The following WDR72 variants were observed in gnomAD, a reference collection of about 807,000 sequenced individuals.
WDR72 encodes WD repeat-containing protein 72.
A neutral mutation model predicts 124.2 loss-of-function variants in WDR72; 120 were observed. The ratio of observed to expected loss-of-function variants is 0.97; its 90% CI spans 0.83 to 1.12. The LOEUF (loss-of-function observed/expected upper bound fraction) is 1.12, where lower values mean the gene tolerates loss of function less well. Among genes scored for constraint, WDR72 ranks in the 50% most tolerant of loss-of-function variants. WDR72 has a pLI of 0.00. For missense variants in WDR72, 1,387 were observed against 1,278.8 expected, an observed-to-expected ratio of 1.08 and a Z score of -1.29; for synonymous variants, 452 against 441.7, an observed-to-expected ratio of 1.02 and a Z score of -0.29.
chr15:53,714,461 A>T lies in WDR72; in HGVS notation c.564T>A (p.Asp188Glu). Reference sequence around the variant, plus strand: ...GAATGCTGTTGATAGATGAGGAAAGATCCCATACTTTGAGCTCACCAGCTA... The same window carrying T: ...GAATGCTGTTGATAGATGAGGAAAGTTCCCATACTTTGAGCTCACCAGCTA... ...VSVAGELKVWDLSSSINSIQE... is the reference protein window; with the variant it reads ...VSVAGELKVWELSSSINSIQE... Residue 188 changes from aspartate to glutamate, a missense_variant, in exon 6 of 20, where the codon GAT becomes GAA. Transcript: ENST00000360509. 1.9e-6 allele frequency: 3 copies of T among 1,613,992 alleles called. No homozygotes were observed. The highest frequency in any genetic ancestry group is 2.5e-6 in the Non-Finnish European group (3 of 1,179,930).
At chr15:53,680,029 T>C (rs1234369966) in intron 13 of WDR72, among the ~76,000 whole-genome samples, 3 of 152,158 alleles carry the variant, frequency 2.0e-5, no homozygotes, top group Non-Finnish European at 1.5e-5. Context: ...GTTGCTTTAC[T>C]ACAAACTATT....
At chr15:53,540,948 G>C (rs903110234) in intron 18 of WDR72, 1 of 157,092 alleles carries the variant, frequency 6.4e-6, no homozygotes, top group African/African-American at 2.4e-5. Context: ...CTTAAAAAAC[G>C]GCGCACCACG....
At chr15:53,557,087 A>T (rs1893959310) in intron 18 of WDR72, among the ~76,000 whole-genome samples, 1 of 152,120 alleles carries the variant, frequency 6.6e-6, no homozygotes, top group Non-Finnish European at 1.5e-5. Flanking sequence ...ACTTGGCCAG[A>T]GTAAGAAACT....
chr15:53,565,425 T>G (rs1317179032), intron 18 of WDR72, among the ~76,000 whole-genome samples: 1 of 151,916 alleles, frequency 6.6e-6, no homozygotes, highest in African/African-American at 2.4e-5. Context: ...GCAAACACCA[T>G]TAACAGCTTC....
intron 13 of WDR72, among the ~76,000 whole-genome samples, chr15:53,668,980 A>AAGGAGG (rs2015887153): frequency 5.5e-5 from 5 of 90,796 alleles, no homozygotes; most frequent in Admixed American, 1.3e-4. Context: ...GGAGGAGGAG[A>AAGGAGG]AGGAGAAGGA....
At chr15:53,753,689 C>T (rs1392089890) in intron 1 of WDR72, among the ~76,000 whole-genome samples, 1 of 152,156 alleles carries the variant, frequency 6.6e-6, no homozygotes, top group Non-Finnish European at 1.5e-5. Flanking sequence ...TCCCTTATTC[C>T]TAAACACATC....
intron 18 of WDR72, among the ~76,000 whole-genome samples, chr15:53,528,821 T>C (rs1892267006): frequency 6.6e-6 from 1 of 152,000 alleles, no homozygotes; most frequent in African/African-American, 2.4e-5. Context: ...GCTTACGGAA[T>C]CTGTTTAAAC....
intron 18 of WDR72, among the ~76,000 whole-genome samples, chr15:53,550,345 C>G (rs1456170281): frequency 6.6e-6 from 1 of 152,100 alleles, no homozygotes; most frequent in Non-Finnish European, 1.5e-5. Context: ...ACTTTTTTTA[C>G]CAAAAACAGA....
chr15:53,592,997 T>C (rs1322435694), intron 18 of WDR72, among the ~76,000 whole-genome samples: 1 of 152,024 alleles, frequency 6.6e-6, no homozygotes, highest in Admixed American at 6.6e-5. Context: ...AGACCTCAAA[T>C]AAAATACATG....
chr15:53,543,378 C>T (rs541342727), intron 18 of WDR72, among the ~76,000 whole-genome samples: 1 of 152,260 alleles, frequency 6.6e-6, no homozygotes, highest in East Asian at 1.9e-4. Flanking sequence ...ACTGAACAAC[C>T]TGCTCCTGAA....
upstream of WDR72, among the ~76,000 whole-genome samples, chr15:53,762,045 C>G: frequency 6.6e-6 from 1 of 151,842 alleles, no homozygotes. Context: ...TTCTCAGTTA[C>G]ATGACTTTAC....
At chr15:53,618,315 T>G (rs1477572321) in intron 14 of WDR72, among the ~76,000 whole-genome samples, 1 of 151,992 alleles carries the variant, frequency 6.6e-6, no homozygotes, top group Non-Finnish European at 1.5e-5. Context: ...TCCCACTTAT[T>G]TAGACCATGT....
chr15:53,599,571 G>C (rs1668525993), intron 17 of WDR72, among the ~76,000 whole-genome samples: 1 of 152,010 alleles, frequency 6.6e-6, no homozygotes, highest in South Asian at 2.1e-4. Context: ...ATAAATTAAG[G>C]ATATTGGAGG....
At chr15:53,617,022 A>C (rs1009148117) in intron 14 of WDR72, among the ~76,000 whole-genome samples, 6 of 151,994 alleles carry the variant, frequency 3.9e-5, no homozygotes, top group African/African-American at 1.4e-4. Context: ...CCTACAAAAC[A>C]ATGCTTCTAT....
At chr15:53,730,771 T>A (rs1425840776) in intron 2 of WDR72, among the ~76,000 whole-genome samples, 1 of 152,090 alleles carries the variant, frequency 6.6e-6, no homozygotes, top group East Asian at 1.9e-4. Flanking sequence ...CCCAAATTAT[T>A]CCTTTATATA....
intron 2 of WDR72, among the ~76,000 whole-genome samples, chr15:53,729,264 C>T (rs1300846614): frequency 3.3e-5 from 5 of 152,118 alleles, no homozygotes; most frequent in African/African-American, 4.8e-5. Flanking sequence ...ATCCTCAAAA[C>T]CTTTCTTGAG....
intron 18 of WDR72, among the ~76,000 whole-genome samples, chr15:53,566,111 T>C (rs572700935): frequency 1.3e-5 from 2 of 152,108 alleles, no homozygotes; most frequent in South Asian, 4.1e-4. Flanking sequence ...GATTTTCTGC[T>C]AAGCACTTAC....
chr15:53,627,545 G>T (rs1374129933), intron 14 of WDR72, among the ~76,000 whole-genome samples: 1 of 152,156 alleles, frequency 6.6e-6, no homozygotes, highest in Admixed American at 6.5e-5. Flanking sequence ...CGATGTAGCA[G>T]AGAAAACCAG....
chr15:53,574,116 G>A (rs930176535), intron 18 of WDR72, among the ~76,000 whole-genome samples: 1 of 152,068 alleles, frequency 6.6e-6, no homozygotes, highest in African/African-American at 2.4e-5. Context: ...TATTTTTAAG[G>A]TGGTATTTGT....
Sources: allele counts gnomAD v4.1 joint callset (sites outside exome capture counted in the v4.1 genomes callset), GRCh38; gene constraint gnomAD v4.1.1; transcripts MANE v1.5; gene names NCBI Gene and HGNC (gene_info 2026-07-23, HGNC 2026-07-21).